Variants in TMTC2 observed in about 807,000 individuals in gnomAD.
TMTC2 encodes the protein transmembrane O-mannosyltransferase targeting cadherins 2.
A neutral mutation model predicts 82.4 loss-of-function variants in TMTC2; 43 were observed. The ratio of observed to expected loss-of-function variants is 0.52; its 90% CI spans 0.41 to 0.67. The LOEUF (loss-of-function observed/expected upper bound fraction) is 0.67, where lower values mean the gene tolerates loss of function less well. Ranked by LOEUF, TMTC2 falls within the 30% of genes least tolerant of loss-of-function variation. The pLI is 0.00. For synonymous variants in TMTC2, 408 were observed against 381.9 expected (o/e 1.07, Z -0.80); for missense variants, 919 against 1,012.4 (o/e 0.91, Z 1.25).
At chr12:82,756,538 T>C (rs990941399) in intron 1 of TMTC2, among the ~76,000 whole-genome samples, 5 of 152,162 alleles carry the variant, frequency 3.3e-5, no homozygotes, top group Non-Finnish European at 2.9e-5. Context: ...GACAAAGGAA[T>C]ATACAGACCT....
chr12:83,118,756 T>A (rs1265745196), intron 11 of TMTC2, among the ~76,000 whole-genome samples: 1 of 152,012 alleles, frequency 6.6e-6, no homozygotes, highest in Non-Finnish European at 1.5e-5. Flanking sequence ...CCTTTCAACG[T>A]CTGGTAGAAT....
intron 4 of TMTC2, among the ~76,000 whole-genome samples, chr12:82,942,908 G>A (rs1489279394): frequency 6.6e-6 from 1 of 152,098 alleles, no homozygotes; most frequent in South Asian, 2.1e-4. Context: ...TTAGAATCAT[G>A]TGTGATTATT....
At chr12:83,117,585 A>G (rs939028889) in intron 11 of TMTC2, among the ~76,000 whole-genome samples, 2 of 152,130 alleles carry the variant, frequency 1.3e-5, no homozygotes, top group African/African-American at 4.8e-5. Context: ...AAATCAGGTA[A>G]TGTGATGCCT....
chr12:82,709,324 G>T (rs1873518697), intron 1 of TMTC2, among the ~76,000 whole-genome samples: 1 of 152,168 alleles, frequency 6.6e-6, no homozygotes, highest in African/African-American at 2.4e-5. Flanking sequence ...TTACAAAATA[G>T]TAACAATTGG....
chr12:82,920,379 A>G (rs889250424), intron 3 of TMTC2, among the ~76,000 whole-genome samples: 2 of 152,166 alleles, frequency 1.3e-5, no homozygotes, highest in South Asian at 2.1e-4. Flanking sequence ...GTAGCAGATC[A>G]CAGCATTTCT....
At chr12:83,005,379 C>T (rs1880153458) in intron 8 of TMTC2, among the ~76,000 whole-genome samples, 1 of 151,522 alleles carries the variant, frequency 6.6e-6, no homozygotes, top group Non-Finnish European at 1.5e-5. Context: ...GGCTCCTAGC[C>T]TAGCACCTCT....
rs1878688779 is a variant in TMTC2 at position 82,795,759 on chromosome 12, A to G, written c.84-61251A>G. ...ATGCAGCAACAAGGCGTCATCTTGGAGGCAGAGAGCAGCCCTCACCAGACA... is the reference window on the plus strand; with the variant it reads ...ATGCAGCAACAAGGCGTCATCTTGGGGGCAGAGAGCAGCCCTCACCAGACA... On this transcript the variant is annotated intron_variant, in intron 1 of 11. Transcript: ENST00000321196. 2.0e-5 allele frequency among the ~76,000 whole-genome samples: 3 copies of G among 152,146 alleles called. No homozygotes were observed. The South Asian group carries it at 6.2e-4, about 32-fold the overall frequency.
chr12:82,741,315 T>C (rs559921532), intron 1 of TMTC2, among the ~76,000 whole-genome samples: 56 of 152,144 alleles, frequency 3.7e-4, no homozygotes, highest in Non-Finnish European at 7.6e-4. Flanking sequence ...AAGTCGGAGC[T>C]TTTTAGCTTT....
At position 82,896,647 on chromosome 12, in the gene TMTC2, G is replaced by A; in HGVS notation, c.1483+1G>A. 3.1e-6 allele frequency: 5 copies of A among 1,589,844 alleles called. No homozygotes were observed. Among genetic ancestry groups the A allele is most frequent in the South Asian group, 1.1e-5 (1 of 87,660 alleles). ...GGGATAAAAGTAAACCCAGCTAAAG[G>A]TAATCTTTTATTTTATGCTTTTGTC... On this transcript the variant is annotated splice_donor_variant, in intron 3 of 11. Coordinates refer to ENST00000321196, the MANE Select transcript of TMTC2 (RefSeq NM_152588.3). LOFTEE classifies it high-confidence loss of function.
rs1016246405 is a variant in TMTC2, at chr12:82,718,873, A to G, written c.83+31204A>G. On this transcript the variant is annotated intron_variant, in intron 1 of 11. Transcript: ENST00000321196. ...ATATAGAAATTGTGGATCCAAATAA[A>G]CAGATTAAACATAGGATTTAGGATT... 2.0e-5 allele frequency among the ~76,000 whole-genome samples: 3 copies of G among 151,790 alleles called. No individual in the cohort carries two copies. In the South Asian group the frequency reaches 6.2e-4, roughly 31 times the overall value.
intron 1 of TMTC2, among the ~76,000 whole-genome samples, chr12:82,856,293 C>G (rs1871256823): frequency 6.6e-6 from 1 of 152,098 alleles, no homozygotes; most frequent in African/African-American, 2.4e-5. Flanking sequence ...GGTAGTAAGT[C>G]CCATGAAAGC....
At chr12:82,865,058 C>CAAAA (rs1373298523) in intron 2 of TMTC2, among the ~76,000 whole-genome samples, 157 of 84,388 alleles carry the variant, frequency 1.9e-3, no homozygotes, top group African/African-American at 4.8e-3. Context: ...ACTAAAAATA[C>CAAAA]AAAAAAAAAA....
intron 1 of TMTC2, among the ~76,000 whole-genome samples, chr12:82,774,144 T>C (rs1208755966): frequency 6.6e-6 from 1 of 152,122 alleles, no homozygotes; most frequent in East Asian, 1.9e-4. Context: ...CTGTTATATA[T>C]GTGTGTGTAT....
intron 4 of TMTC2, among the ~76,000 whole-genome samples, chr12:82,961,500 TTTCTC>T (rs1335449360): frequency 6.6e-6 from 1 of 152,046 alleles, no homozygotes; most frequent in Non-Finnish European, 1.5e-5. Flanking sequence ...TTTCATCTCT[TTTCTC>T]TTTTCCTTCT....
At chr12:83,006,169 C>T (rs1880194513) in intron 8 of TMTC2, among the ~76,000 whole-genome samples, 1 of 152,160 alleles carries the variant, frequency 6.6e-6, no homozygotes, top group African/African-American at 2.4e-5. Flanking sequence ...CCATTCAGGG[C>T]CAAGGAGTCC....
chr12:83,081,722 G>GA (rs1565881248), intron 11 of TMTC2, among the ~76,000 whole-genome samples: 2 of 152,104 alleles, frequency 1.3e-5, no homozygotes, highest in African/African-American at 4.8e-5. Flanking sequence ...TCCTGAGAAG[G>GA]AAAAAAATAA....
intron 4 of TMTC2, among the ~76,000 whole-genome samples, chr12:82,950,649 G>T (rs949586378): frequency 1.3e-5 from 2 of 152,214 alleles, no homozygotes; most frequent in East Asian, 1.9e-4. Flanking sequence ...GAACATAAAG[G>T]CTTATTTAGA....
At chr12:82,799,988 A>T (rs548898496) in intron 1 of TMTC2, among the ~76,000 whole-genome samples, 4 of 150,532 alleles carry the variant, frequency 2.7e-5, no homozygotes, top group East Asian at 1.9e-4. Context: ...ATAGTATAAT[A>T]AAAAAAAAGT....
chr12:82,785,714 ACTGT>A (rs1878147211), intron 1 of TMTC2, among the ~76,000 whole-genome samples: 1 of 152,058 alleles, frequency 6.6e-6, no homozygotes, highest in Non-Finnish European at 1.5e-5. Flanking sequence ...GCAGTCTTTC[ACTGT>A]CTAACCTGAT....
Sources: gnomAD v4.1 joint callset for allele counts (sites outside exome capture counted in the v4.1 genomes callset) on GRCh38, gnomAD v4.1.1 for gene constraint, MANE v1.5 for transcripts, NCBI Gene and HGNC (gene_info 2026-07-23, HGNC 2026-07-21) for gene names.